The following LRP1B variants were observed in gnomAD, a reference collection of about 807,000 sequenced individuals.
The protein encoded by LRP1B is low-density lipoprotein receptor-related protein 1B.
Under a neutral mutation model 556.6 loss-of-function variants are expected in LRP1B, and 217 were observed. That is an observed-to-expected ratio of 0.39 (90% CI 0.35 to 0.44). The LOEUF (loss-of-function observed/expected upper bound fraction) is 0.44, where lower values mean the gene tolerates loss of function less well. Ranked by LOEUF, LRP1B falls within the 20% of genes least tolerant of loss-of-function variation. The probability of loss-of-function intolerance (pLI) is 1.00; values close to 1 mark genes in which losing one functional copy is unlikely to be tolerated. For missense variants in LRP1B, 5,053 were observed against 5,620.8 expected (o/e 0.90, Z 3.23); for synonymous variants, 2,047 against 1,865.8 (o/e 1.10, Z -2.50).
At chr2:141,174,711 A>G (rs1418955117) in intron 7 of LRP1B, among the ~76,000 whole-genome samples, 2 of 152,090 alleles carry the variant, frequency 1.3e-5, no homozygotes, top group Non-Finnish European at 2.9e-5. Flanking sequence ...ACATTAGGAT[A>G]TTGGTACAGG....
At chr2:141,329,643 CAA>C (rs71391650) in intron 3 of LRP1B, among the ~76,000 whole-genome samples, 6 of 28,972 alleles carry the variant, frequency 2.1e-4, no homozygotes, top group Admixed American at 1.1e-3. Context: ...GACTCTGTCT[CAA>C]AAAAAAAAAA....
At chr2:141,404,448 GAAT>G (rs1421141054) in intron 3 of LRP1B, among the ~76,000 whole-genome samples, 8 of 152,116 alleles carry the variant, frequency 5.3e-5, no homozygotes, top group African/African-American at 1.9e-4. Flanking sequence ...AGAGGAAAAA[GAAT>G]AATAACAAGT....
chr2:140,508,242 A>G (rs745359552), intron 52 of LRP1B, among the ~76,000 whole-genome samples: 1 of 152,106 alleles, frequency 6.6e-6, no homozygotes, highest in Non-Finnish European at 1.5e-5. Flanking sequence ...CTCAGATAAT[A>G]TTATCACTTT....
chr2:140,456,161 C>T (rs1413968189), intron 62 of LRP1B, among the ~76,000 whole-genome samples: 1 of 152,152 alleles, frequency 6.6e-6, no homozygotes, highest in Non-Finnish European at 1.5e-5. Flanking sequence ...ATTTCCTGCT[C>T]TGTTTAAACT....
In LRP1B at chr2:141,075,951, A is replaced by G. The variant is rs2104869605; in HGVS notation, c.1014-13678T>C. Among the ~76,000 whole-genome samples, 3 of 152,326 alleles carry G rather than the reference A, an allele frequency of 2.0e-5. No individual in the cohort carries two copies. In the South Asian group the frequency reaches 6.2e-4, roughly 32 times the overall value. ...TTTTGATGTTGGAACACATTGTGCA[A>G]TAATATTGCAGTGATGATAAAATCA... On this transcript the variant is annotated intron_variant, in intron 7 of 90. Coordinates refer to ENST00000389484, the MANE Select transcript of LRP1B (RefSeq NM_018557.3).
In LRP1B at chr2:140,504,810, C is replaced by T. The variant is rs187893424; in HGVS notation, c.8522-1707G>A. ...CCATTCCCAACCTCGTTCAAAACCA[C>T]GTCATTAATCATCAGAACTATCACA... On this transcript the variant is annotated intron_variant, in intron 53 of 90. Coordinates refer to ENST00000389484, the MANE Select transcript of LRP1B (RefSeq NM_018557.3). Among the ~76,000 whole-genome samples, 83 of 152,266 alleles carry T rather than the reference C, an allele frequency of 5.5e-4. 3 individuals are homozygous for T. The highest frequency in any genetic ancestry group is 5.3e-3 in the Admixed American group (81 of 15,290).
At chr2:141,485,802 C>T (rs4277467) in intron 2 of LRP1B, among the ~76,000 whole-genome samples, 139,268 of 152,138 alleles carry the variant, frequency 0.92, 64,175 homozygotes, top group East Asian at 1. Context: ...AATATGGCAA[C>T]GTTGCCTTAA....
At chr2:141,073,835 T>C (rs578190985) in intron 7 of LRP1B, among the ~76,000 whole-genome samples, 8 of 152,214 alleles carry the variant, frequency 5.3e-5, no homozygotes, top group African/African-American at 1.9e-4. Flanking sequence ...ACATCTTCAA[T>C]GTATATCTTG....
chr2:141,272,776 T>A (rs1195117341), intron 3 of LRP1B, among the ~76,000 whole-genome samples: 1 of 151,956 alleles, frequency 6.6e-6, no homozygotes, highest in East Asian at 1.9e-4. Context: ...ACAACAATTA[T>A]AAACATAAAA....
intron 20 of LRP1B, among the ~76,000 whole-genome samples, chr2:140,928,350 C>T (rs572298230): frequency 1.1e-3 from 174 of 152,230 alleles, no homozygotes; most frequent in African/African-American, 3.9e-3. Flanking sequence ...AAAATCGCTG[C>T]ATCTTACACA....
At chr2:140,841,987 G>A (rs941165549) in intron 29 of LRP1B, among the ~76,000 whole-genome samples, 1 of 152,074 alleles carries the variant, frequency 6.6e-6, no homozygotes, top group African/African-American at 2.4e-5. Flanking sequence ...TGTACTTATA[G>A]AGTTCTCTAG....
intron 2 of LRP1B, among the ~76,000 whole-genome samples, chr2:141,803,726 T>C (rs552105426): frequency 2.7e-4 from 41 of 152,226 alleles, no homozygotes; most frequent in African/African-American, 9.9e-4. Context: ...TATTCTACTA[T>C]ATAATTTTAA....
intron 3 of LRP1B, 176 bp downstream of exon 3, chr2:141,480,220 A>T: frequency 1.5e-6 from 1 of 682,168 alleles, no homozygotes; most frequent in East Asian, 2.9e-5. Flanking sequence ...TTTTGCTCAA[A>T]CATAATACTT....
At chr2:140,415,942 G>A (rs1327538247) in intron 66 of LRP1B, among the ~76,000 whole-genome samples, 1 of 152,196 alleles carries the variant, frequency 6.6e-6, no homozygotes, top group East Asian at 1.9e-4. Context: ...TTCCTCGAGA[G>A]GCCATGGATT....
chr2:140,380,955 A>G (rs1683445269), intron 67 of LRP1B, among the ~76,000 whole-genome samples: 1 of 152,206 alleles, frequency 6.6e-6, no homozygotes, highest in East Asian at 1.9e-4. Flanking sequence ...AAGCTTTTCC[A>G]GGGAAAGTGG....
At chr2:140,823,978 T>C (rs1024891036) in intron 31 of LRP1B, among the ~76,000 whole-genome samples, 3 of 151,682 alleles carry the variant, frequency 2.0e-5, no homozygotes, top group African/African-American at 7.3e-5. Context: ...CAGAAAAAAA[T>C]AGCTATTAAG....
At chr2:140,913,561 T>G (rs1362222210) in intron 21 of LRP1B, among the ~76,000 whole-genome samples, 1 of 151,884 alleles carries the variant, frequency 6.6e-6, no homozygotes, top group African/African-American at 2.4e-5. Context: ...CCATGTAAAA[T>G]CAAAAAGCAA....
rs1029975879 is a variant in LRP1B, at chr2:141,789,050, G to C, written c.205+21229C>G. Among the ~76,000 whole-genome samples, 7 of 152,110 alleles carry C rather than the reference G, an allele frequency of 4.6e-5. No individual in the cohort carries two copies. In the East Asian group the frequency reaches 1.2e-3, roughly 25 times the overall value. Reference sequence around the variant, plus strand: ...TTATAATCCTTTGGGTATATACCCAGTAATGGGATGCCTGGGTCAAATGGT... The same window carrying C: ...TTATAATCCTTTGGGTATATACCCACTAATGGGATGCCTGGGTCAAATGGT... On this transcript the variant is annotated intron_variant, in intron 2 of 90. Transcript: ENST00000389484.
At chr2:141,505,743 A>T (rs1683904692) in intron 2 of LRP1B, among the ~76,000 whole-genome samples, 1 of 152,060 alleles carries the variant, frequency 6.6e-6, no homozygotes, top group African/African-American at 2.4e-5. Context: ...AGACTTAGTA[A>T]CACATTCTGC....
Sources: gnomAD v4.1 joint callset for allele counts (sites outside exome capture counted in the v4.1 genomes callset) on GRCh38, gnomAD v4.1.1 for gene constraint, MANE v1.5 for transcripts, NCBI Gene and HGNC (gene_info 2026-07-23, HGNC 2026-07-21) for gene names.